PPIL4: variants seen among roughly 807,000 people sequenced by gnomAD.
PPIL4 encodes peptidylprolyl isomerase like 4, also known as peptidyl-prolyl cis-trans isomerase-like 4.
PPIL4 carries 50 observed loss-of-function variants against 69.1 expected under a neutral mutation model. That is an observed-to-expected ratio of 0.72 (90% CI 0.58 to 0.92). The LOEUF is 0.92. Among genes scored for constraint, PPIL4 ranks in the 40% least tolerant of loss-of-function variants. The pLI is 0.00. For missense variants in PPIL4, 480 were observed against 587.9 expected (o/e 0.82, Z 1.90); for synonymous variants, 193 against 191.6 (o/e 1.01, Z -0.06).
At chr6:149,537,436 G>A (rs982642577) in intron 4 of PPIL4, among the ~76,000 whole-genome samples, 21 of 152,240 alleles carry the variant, frequency 1.4e-4, no homozygotes, top group African/African-American at 3.9e-4. Context: ...GGCCGGGCGC[G>A]GTGGCTCACG....
At chr6:149,515,453 G>A (rs980553585) in intron 11 of PPIL4, among the ~76,000 whole-genome samples, 1 of 152,146 alleles carries the variant, frequency 6.6e-6, no homozygotes, top group Admixed American at 6.5e-5. Context: ...TTTCAGTGTT[G>A]AGGGTATTCT....
At chr6:149,523,804 AAAT>A (rs1468539856) in intron 9 of PPIL4, among the ~76,000 whole-genome samples, 1 of 152,224 alleles carries the variant, frequency 6.6e-6, no homozygotes, top group Non-Finnish European at 1.5e-5. Flanking sequence ...GTGAGAAAAT[AAAT>A]AATAGATTCT....
chr6:149,533,331 T>C, intron 7 of PPIL4, 127 bp downstream of exon 7: 1 of 613,868 alleles, frequency 1.6e-6, no homozygotes, highest in South Asian at 2.2e-5. Flanking sequence ...CCATACCAAA[T>C]TTAAATCAGA....
chr6:149,506,365 G>A (rs960094936), intron 12 of PPIL4, among the ~76,000 whole-genome samples: 4 of 152,156 alleles, frequency 2.6e-5, no homozygotes, highest in Non-Finnish European at 4.4e-5. Flanking sequence ...CCAGCTACTC[G>A]GGAGGCTGAG....
chr6:149,537,943 G>A (rs1355699532), intron 4 of PPIL4, among the ~76,000 whole-genome samples: 3 of 152,050 alleles, frequency 2.0e-5, no homozygotes, highest in Admixed American at 6.6e-5. Context: ...GAGCTCTGAT[G>A]GATATGATGT....
At chr6:149,525,289 A>C (rs1777090997) in intron 8 of PPIL4, 80 bp from the exon 9 acceptor site, 1 of 708,672 alleles carries the variant, frequency 1.4e-6, no homozygotes, top group Admixed American at 2.7e-5. Context: ...AAACTGAAGA[A>C]GAAATAAGTC....
chr6:149,535,571 T>C (rs1254302287), intron 5 of PPIL4, 25 bp downstream of exon 5: 2 of 1,594,280 alleles, frequency 1.3e-6, no homozygotes, highest in Non-Finnish European at 1.7e-6. Flanking sequence ...TTCTAGTACA[T>C]TCAGATAGCA....
Position 149,541,588 on chromosome 6 carries a change from TGAAA to T in PPIL4, c.71-6_71-3del, listed in dbSNP as rs1268352172. On this transcript the variant is annotated splice_region_variant and splice_polypyrimidine_tract_variant and intron_variant, in intron 1 of 12. Coordinates refer to ENST00000253329, the MANE Select transcript of PPIL4 (RefSeq NM_139126.4). ...ACAGTTTCAAGAAATTCAAGCAGGC[TGAAA>T]GAAAGTAAATACCAAATTTATCACA... 2.0e-6 allele frequency: 3 copies of T among 1,521,928 alleles called. No homozygotes were observed. The African/African-American group carries it at 4.1e-5, about 21-fold the overall frequency. The allele number at this position is 1,521,928 out of a possible 1,614,324, so 94.3% of individuals were successfully genotyped here. A position where few individuals can be genotyped will look rare whatever the true frequency, so the allele number is the denominator to read the frequency against.
chr6:149,529,310 T>A (rs1274287616), intron 7 of PPIL4, among the ~76,000 whole-genome samples: 1 of 148,716 alleles, frequency 6.7e-6, no homozygotes, highest in Non-Finnish European at 1.5e-5. Context: ...AAAATAAAAT[T>A]AGCCGGGCAT....
chr6:149,535,582 A>AATTGTAACCATACCTG lies in PPIL4; in HGVS notation c.462_464+13dup. 1 of 1,604,900 alleles carries AATTGTAACCATACCTG rather than the reference A, an allele frequency of 6.2e-7. No homozygotes were observed. Among genetic ancestry groups the AATTGTAACCATACCTG allele is most frequent in the Non-Finnish European group, 8.5e-7 (1 of 1,174,878 alleles). ...AACATTCTAGTACATTCAGATAGCA[A>AATTGTAACCATACCTG]ATTGTAACCATACCTGATATCCTGA... On this transcript the variant is annotated intron_variant, in intron 5 of 12. Transcript: ENST00000253329.
intron 12 of PPIL4, among the ~76,000 whole-genome samples, chr6:149,506,152 G>T (rs1562254868): frequency 6.6e-6 from 1 of 152,118 alleles, no homozygotes; most frequent in East Asian, 1.9e-4. Flanking sequence ...AACTTAGCAG[G>T]AAGAGATCTT....
chr6:149,538,993 C>A (rs1777320799), intron 4 of PPIL4, among the ~76,000 whole-genome samples: 2 of 152,042 alleles, frequency 1.3e-5, no homozygotes, highest in African/African-American at 4.8e-5. Context: ...ACTACTGGCG[C>A]CTGCCACCAC....
chr6:149,541,297 T>C (rs1777356749), intron 3 of PPIL4, 70 bp downstream of exon 3: 1 of 625,786 alleles, frequency 1.6e-6, no homozygotes, highest in East Asian at 3.5e-5. Flanking sequence ...GAATTTGTTC[T>C]GCCCTTCCAG....
At chr6:149,510,603 A>C (rs1776828627) in intron 12 of PPIL4, among the ~76,000 whole-genome samples, 1 of 152,068 alleles carries the variant, frequency 6.6e-6, no homozygotes, top group Admixed American at 6.6e-5. Context: ...TCAGCCAGGC[A>C]TGATGGCAGG....
chr6:149,518,914 A>G (rs1776986052), intron 10 of PPIL4, among the ~76,000 whole-genome samples: 1 of 152,222 alleles, frequency 6.6e-6, no homozygotes, highest in Non-Finnish European at 1.5e-5. Context: ...TGGAATCATC[A>G]GACTATAAAG....
chr6:149,524,614 G>A (rs1777079404), intron 9 of PPIL4, among the ~76,000 whole-genome samples: 1 of 152,172 alleles, frequency 6.6e-6, no homozygotes, highest in Non-Finnish European at 1.5e-5. Context: ...AAAGTTCTAA[G>A]ATTGGCTGAG....
Position 149,535,634 on chromosome 6 carries a change from G to T in PPIL4, c.426C>A (p.Thr142=). 1 of 1,612,526 alleles carries T rather than the reference G, an allele frequency of 6.2e-7. No individual in the cohort carries two copies. The highest frequency in any genetic ancestry group is 1.1e-5 in the South Asian group (1 of 91,018). Residue 142 remains threonine, a synonymous_variant, in exon 5 of 13, where the codon ACC becomes ACA. Transcript: ENST00000253329. The part of the protein sequence containing the change: ...GMDIIKKINE[T]FVDKDFVPYQ... The stretch of plus-strand genomic sequence containing the variant: ...ATGGTACAAAGTCCTTGTCAACAAA[G>T]GTCTCATTAATTTTCTTAATTATGT...
At chr6:149,537,208 G>C (rs919789637) in intron 4 of PPIL4, among the ~76,000 whole-genome samples, 7 of 151,994 alleles carry the variant, frequency 4.6e-5, no homozygotes, top group African/African-American at 1.7e-4. Context: ...ATGACTTCAT[G>C]AAATAACAAA....
intron 9 of PPIL4, among the ~76,000 whole-genome samples, chr6:149,522,386 TCA>T (rs1439262820): frequency 1.3e-5 from 2 of 152,176 alleles, no homozygotes; most frequent in East Asian, 1.9e-4. Flanking sequence ...GTTGGAAGAC[TCA>T]CAGTTATCAA....
Sources: gnomAD v4.1 joint callset for allele counts (sites outside exome capture counted in the v4.1 genomes callset) on GRCh38, gnomAD v4.1.1 for gene constraint, MANE v1.5 for transcripts, NCBI Gene and HGNC (gene_info 2026-07-23, HGNC 2026-07-21) for gene names.